The following GNG12 variants were observed in gnomAD, a reference collection of about 807,000 sequenced individuals.
GNG12 encodes the protein guanine nucleotide-binding protein G(I)/G(S)/G(O) subunit gamma-12.
For synonymous variants in GNG12, 28 were observed against 29.7 expected (o/e 0.94, Z 0.19); for missense variants, 69 against 83.8 (o/e 0.82, Z 0.69).
chr1:67,705,073 G>A lies in GNG12; in HGVS notation c.*378C>T, dbSNP rs1173668247. The A allele has an allele frequency of 5.9e-6, 1 of 168,880 alleles. No individual in the cohort carries two copies. The highest frequency in any genetic ancestry group is 1.3e-5 in the Non-Finnish European group (1 of 78,946). The allele number at this position is 168,880 out of a possible 1,614,324, so 10.5% of individuals were successfully genotyped here. A position where few individuals can be genotyped will look rare whatever the true frequency, so the allele number is the denominator to read the frequency against. ...AAAGAATATAATATCAAGGCTTTAG[G>A]ATTTCAATGAATTTTGGAATTTTAA... On this transcript the variant is annotated 3_prime_UTR_variant, in exon 4 of 4. Coordinates refer to ENST00000370982, the MANE Select transcript of GNG12 (RefSeq NM_018841.6).
intron 2 of GNG12, among the ~76,000 whole-genome samples, chr1:67,728,592 G>A (rs1402821024): frequency 2.0e-5 from 3 of 152,104 alleles, no homozygotes; most frequent in African/African-American, 4.8e-5. Flanking sequence ...CCTTAGAGGT[G>A]GCACAACAGC....
chr1:67,769,534 C>A (rs763633769), intron 2 of GNG12, among the ~76,000 whole-genome samples: 1 of 152,152 alleles, frequency 6.6e-6, no homozygotes, highest in East Asian at 1.9e-4. Flanking sequence ...ACAGCAAATA[C>A]GTTCTCAGAT....
chr1:67,720,702 C>A (rs1409031131), intron 2 of GNG12, among the ~76,000 whole-genome samples: 2 of 152,138 alleles, frequency 1.3e-5, no homozygotes, highest in East Asian at 1.9e-4. Flanking sequence ...TTTTCAAATT[C>A]TAAAAGAATA....
intron 2 of GNG12, among the ~76,000 whole-genome samples, chr1:67,715,631 T>C (rs1156961799): frequency 6.6e-6 from 1 of 152,164 alleles, no homozygotes. Context: ...TACTCCCCAC[T>C]GGGCACCCGT....
chr1:67,740,871 C>G (rs1363207686), intron 2 of GNG12, among the ~76,000 whole-genome samples: 1 of 152,126 alleles, frequency 6.6e-6, no homozygotes, highest in African/African-American at 2.4e-5. Context: ...CTCCACTGCT[C>G]CAAAACTGTG....
intron 2 of GNG12, among the ~76,000 whole-genome samples, chr1:67,725,844 T>C (rs592067): frequency 0.093 from 14,168 of 152,264 alleles, 697 homozygotes; most frequent in Admixed American, 0.11. Context: ...AGAAATATTA[T>C]TTCAAGTTCA....
intron 1 of GNG12, among the ~76,000 whole-genome samples, chr1:67,809,170 AGTGG>A (rs1646909479): frequency 6.6e-6 from 1 of 152,212 alleles, no homozygotes; most frequent in African/African-American, 2.4e-5. Context: ...AAGGTAATAC[AGTGG>A]AGCAAAAATA....
At chr1:67,815,387 C>T (rs780852710) in intron 1 of GNG12, among the ~76,000 whole-genome samples, 19 of 152,156 alleles carry the variant, frequency 1.2e-4, no homozygotes, top group Non-Finnish European at 2.1e-4. Flanking sequence ...TCCCAGGCTC[C>T]GTATGATGAC....
intron 1 of GNG12, among the ~76,000 whole-genome samples, chr1:67,824,811 C>T (rs1647002753): frequency 6.6e-6 from 1 of 152,154 alleles, no homozygotes. Flanking sequence ...AGAGAAATCT[C>T]AGTCCAGAAT....
intron 2 of GNG12, among the ~76,000 whole-genome samples, chr1:67,764,721 A>G (rs1210264472): frequency 6.6e-6 from 1 of 152,208 alleles, no homozygotes; most frequent in Non-Finnish European, 1.5e-5. Flanking sequence ...GTTCTCCTTC[A>G]ATAACCGGGG....
chr1:67,752,870 C>T (rs1194173635), intron 2 of GNG12, among the ~76,000 whole-genome samples: 1 of 152,142 alleles, frequency 6.6e-6, no homozygotes, highest in African/African-American at 2.4e-5. Context: ...ACACTAAGTG[C>T]CAATTTATGT....
intron 2 of GNG12, among the ~76,000 whole-genome samples, chr1:67,719,939 T>C (rs1296740766): frequency 2.0e-5 from 3 of 152,240 alleles, no homozygotes; most frequent in East Asian, 1.9e-4. Context: ...AGACATGCGA[T>C]GTAGCAACCA....
chr1:67,710,623 C>A (rs1646289609), intron 2 of GNG12, among the ~76,000 whole-genome samples: 1 of 152,104 alleles, frequency 6.6e-6, no homozygotes, highest in Non-Finnish European at 1.5e-5. Flanking sequence ...AGACACTCAG[C>A]ATTTAGTACA....
chr1:67,705,926 T>G (rs1237011787), intron 3 of GNG12, among the ~76,000 whole-genome samples: 2 of 152,130 alleles, frequency 1.3e-5, no homozygotes. Flanking sequence ...ACACCCGAAG[T>G]GAGGGTGATT....
chr1:67,732,083 G>C (rs1646423172), intron 2 of GNG12, among the ~76,000 whole-genome samples: 1 of 152,208 alleles, frequency 6.6e-6, no homozygotes, highest in Non-Finnish European at 1.5e-5. Context: ...AAATAAGCTG[G>C]ATGAATTCAG....
At chr1:67,770,786 A>G (rs909531565) in intron 2 of GNG12, among the ~76,000 whole-genome samples, 2 of 152,046 alleles carry the variant, frequency 1.3e-5, no homozygotes, top group South Asian at 4.1e-4. Context: ...TCAGGTAACG[A>G]CTTGCTGCAC....
At chr1:67,825,571 A>C (rs975865940) in intron 1 of GNG12, among the ~76,000 whole-genome samples, 1 of 152,202 alleles carries the variant, frequency 6.6e-6, no homozygotes, top group Admixed American at 6.5e-5. Context: ...GAACACAGAC[A>C]AACTCTCTGA....
intron 2 of GNG12, among the ~76,000 whole-genome samples, chr1:67,726,210 T>C (rs1393230395): frequency 6.6e-6 from 1 of 152,240 alleles, no homozygotes; most frequent in Non-Finnish European, 1.5e-5. Flanking sequence ...TTTAAAACTA[T>C]AGTCAGCAGA....
intron 2 of GNG12, among the ~76,000 whole-genome samples, chr1:67,729,603 C>T (rs1646407472): frequency 6.6e-6 from 1 of 152,154 alleles, no homozygotes; most frequent in Non-Finnish European, 1.5e-5. Flanking sequence ...ATGGCAATGG[C>T]CTTGGTTTTC....
Sources: gnomAD v4.1 joint callset for allele counts (sites outside exome capture counted in the v4.1 genomes callset) on GRCh38, gnomAD v4.1.1 for gene constraint, MANE v1.5 for transcripts, NCBI Gene and HGNC (gene_info 2026-07-23, HGNC 2026-07-21) for gene names.